The following CTDP1 variants were observed in gnomAD, a reference collection of about 807,000 sequenced individuals.
The protein encoded by CTDP1 is CTD phosphatase 1.
A neutral mutation model predicts 91.8 loss-of-function variants in CTDP1; 47 were observed. The observed-to-expected ratio is 0.51, with a 90% CI of 0.41 to 0.65. The LOEUF is 0.65. Ranked by LOEUF, CTDP1 falls within the 30% of genes least tolerant of loss-of-function variation. The pLI, the probability that CTDP1 is intolerant of heterozygous loss-of-function variation, is 0.00. For synonymous variants in CTDP1, 656 were observed against 598.5 expected (o/e 1.10, Z -1.40); for missense variants, 1,272 against 1,373.7 (o/e 0.93, Z 1.17).
intron 12 of CTDP1, among the ~76,000 whole-genome samples, chr18:79,748,717 G>A (rs1424917169): frequency 1.3e-5 from 2 of 152,338 alleles, no homozygotes; most frequent in East Asian, 1.9e-4. Flanking sequence ...GAGCGCCTGC[G>A]GCCGCCTCAT....
At chr18:79,725,228 G>GGCT (rs1160171590) in intron 10 of CTDP1, among the ~76,000 whole-genome samples, 1 of 152,144 alleles carries the variant, frequency 6.6e-6, no homozygotes, top group Admixed American at 6.5e-5. Flanking sequence ...GGGCCTGTGG[G>GGCT]GCTGCACTTG....
chr18:79,682,468 G>C (rs2085395279), intron 1 of CTDP1, among the ~76,000 whole-genome samples: 1 of 152,220 alleles, frequency 6.6e-6, no homozygotes, highest in South Asian at 2.1e-4. Context: ...AAAGCCAACA[G>C]TGATGGATTT....
chr18:79,746,300 C>T (rs113418419), intron 12 of CTDP1, among the ~76,000 whole-genome samples: 3 of 121,044 alleles, frequency 2.5e-5, no homozygotes, highest in East Asian at 2.5e-4. Context: ...TCTGTCCCTG[C>T]GTCCCTCCCG....
intron 12 of CTDP1, among the ~76,000 whole-genome samples, chr18:79,740,651 A>G (rs976734120): frequency 6.6e-6 from 1 of 152,144 alleles, no homozygotes; most frequent in Non-Finnish European, 1.5e-5. Flanking sequence ...ACGTCTTGCT[A>G]ATTTCGCATG....
intron 11 of CTDP1, among the ~76,000 whole-genome samples, chr18:79,729,863 C>T (rs1418482693): frequency 1.3e-5 from 2 of 152,226 alleles, no homozygotes; most frequent in South Asian, 2.1e-4. Context: ...TGCAGCTGGT[C>T]AGGGCACAGG....
chr18:79,701,583 T>C (rs2085861620), intron 4 of CTDP1, among the ~76,000 whole-genome samples: 1 of 151,644 alleles, frequency 6.6e-6, no homozygotes, highest in Admixed American at 6.6e-5. Context: ...AAGAGCTACA[T>C]CTCCTAAGGC....
intron 12 of CTDP1, among the ~76,000 whole-genome samples, chr18:79,748,686 A>G (rs532050189): frequency 6.7e-4 from 102 of 152,268 alleles, no homozygotes; most frequent in Non-Finnish European, 8.4e-4. Flanking sequence ...TCCACAAGAA[A>G]CTGTTCCCAG....
chr18:79,688,113 C>A (rs1457850267), intron 1 of CTDP1, among the ~76,000 whole-genome samples: 1 of 152,380 alleles, frequency 6.6e-6, no homozygotes, highest in African/African-American at 2.4e-5. Context: ...TGTGCGTGTT[C>A]TCCAGGATGG....
upstream of CTDP1, chr18:79,679,336 T>TG: frequency 2.2e-6 from 1 of 444,748 alleles, no homozygotes; most frequent in South Asian, 1.6e-5. Context: ...CTCACGTCTC[T>TG]GGGCCCGCGG....
chr18:79,718,905 A>G (rs2086274922), intron 10 of CTDP1, among the ~76,000 whole-genome samples: 1 of 152,124 alleles, frequency 6.6e-6, no homozygotes, highest in South Asian at 2.1e-4. Flanking sequence ...ACGGGTGCTC[A>G]CGGTTAATGG....
At chr18:79,695,864 A>G in intron 2 of CTDP1, 113 bp from the exon 3 acceptor site, 1 of 845,828 alleles carries the variant, frequency 1.2e-6, no homozygotes. Flanking sequence ...CTGTGCTAAG[A>G]TAGCAGCGTG....
intron 10 of CTDP1, among the ~76,000 whole-genome samples, chr18:79,727,947 G>A (rs1055024363): frequency 6.6e-6 from 1 of 152,196 alleles, no homozygotes; most frequent in African/African-American, 2.4e-5. Context: ...TCCAGATCGA[G>A]AAAGATGTGT....
rs567406117 is a variant in CTDP1 at position 79,681,532 on chromosome 18, T to A, written c.314+1271T>A. 16 of 972,796 alleles carry A rather than the reference T, an allele frequency of 1.6e-5. No homozygotes were observed. The South Asian group carries it at 5.7e-4, about 35-fold the overall frequency. 60.3% of individuals were successfully genotyped at this position (972,796 alleles called of 1,614,324 possible). A position where few individuals can be genotyped will look rare whatever the true frequency, so the allele number is the denominator to read the frequency against. On this transcript the variant is annotated intron_variant, in intron 1 of 12. Transcript: ENST00000613122. Reference sequence around the variant, plus strand: ...GGCCTAGACAGGTGAGTAACTTGGTTATGTGGCAAGTTAGTATTGAAATTC... The same window carrying A: ...GGCCTAGACAGGTGAGTAACTTGGTAATGTGGCAAGTTAGTATTGAAATTC...
rs533419347 is a variant in CTDP1 at position 79,680,326 on chromosome 18, C to G, written c.314+65C>G. On this transcript the variant is annotated intron_variant, in intron 1 of 12. Coordinates refer to ENST00000613122, the MANE Select transcript of CTDP1 (RefSeq NM_004715.5). ...TCCGGGGAGGGATCCTGGAGGACCC[C>G]CGGGCTGCTGCGTCCGCGGTGGGCA... 36 of 1,208,478 alleles carry G rather than the reference C, an allele frequency of 3.0e-5. No homozygotes were observed. The South Asian group carries it at 1.2e-3, about 39-fold the overall frequency. The allele number at this position is 1,208,478 out of a possible 1,614,324, so 74.9% of individuals were successfully genotyped here.
At chr18:79,740,416 A>G (rs902314131) in intron 12 of CTDP1, among the ~76,000 whole-genome samples, 3 of 152,200 alleles carry the variant, frequency 2.0e-5, no homozygotes, top group Non-Finnish European at 4.4e-5. Flanking sequence ...AGGGACTTCC[A>G]GTTTTATTTC....
chr18:79,753,724 G>C lies in CTDP1; in HGVS notation c.2820G>C (p.Glu940Asp). Residue 940 changes from glutamate (E) to aspartate (D), a missense_variant, in exon 13 of 13, where the codon GAG becomes GAC. Physicochemically the swap from Glu to Asp is conservative, Grantham distance 45 (BLOSUM62 2). Around this residue, in one of 3 missense-constraint regions of CTDP1, gnomAD observed 881 missense variants for 911.6 expected, o/e 0.97. Coordinates refer to ENST00000613122, the MANE Select transcript of CTDP1 (RefSeq NM_004715.5). ...ESSRESSNED[E>D]GSSSEADEMA... Reference sequence around the variant, plus strand: ...GCAGGGAGTCCAGCAACGAGGATGAGGGCAGCAGCTCCGAGGCCGACGAGA... The same window carrying C: ...GCAGGGAGTCCAGCAACGAGGATGACGGCAGCAGCTCCGAGGCCGACGAGA... The C allele has an allele frequency of 6.2e-7, 1 of 1,613,960 alleles. No homozygotes were observed.
chr18:79,729,037 T>C lies in CTDP1; in HGVS notation c.2548T>C (p.Cys850Arg). 1.2e-6 allele frequency: 2 copies of C among 1,613,876 alleles called. No individual in the cohort carries two copies. Among genetic ancestry groups the C allele is most frequent in the Non-Finnish European group, 1.7e-6 (2 of 1,180,038 alleles). ...MSETMPLYTLCKEDLESMDKE... is the reference protein window; with the variant it reads ...MSETMPLYTLRKEDLESMDKE... ...TGAGACAATGCCGCTGTACACTCTT[T>C]GTAAGGAGGATTTAGAGAGTATGGA... Residue 850 changes from cysteine to arginine, a missense_variant, in exon 11 of 13, where the codon TGT (cysteine) becomes CGT (arginine). Physicochemically the swap from Cys to Arg is radical, Grantham distance 180. Coordinates refer to ENST00000613122, the MANE Select transcript of CTDP1 (RefSeq NM_004715.5).
intron 4 of CTDP1, among the ~76,000 whole-genome samples, chr18:79,699,927 G>A (rs1367570256): frequency 1.3e-5 from 2 of 152,194 alleles, no homozygotes; most frequent in African/African-American, 4.8e-5. Flanking sequence ...TGATCTTTGA[G>A]GTCACTGTTG....
intron 3 of CTDP1, among the ~76,000 whole-genome samples, chr18:79,696,512 T>A (rs1388370533): frequency 7.1e-6 from 1 of 141,072 alleles, no homozygotes; most frequent in Non-Finnish European, 1.5e-5. Context: ...GAGGAGTCGG[T>A]GGCCGGGGGT....
Sources: gnomAD v4.1 joint callset for allele counts (sites outside exome capture counted in the v4.1 genomes callset) on GRCh38, gnomAD v4.1.1 for gene constraint, gnomAD v4.1.1 regional missense constraint, MANE v1.5 for transcripts, NCBI Gene and HGNC (gene_info 2026-07-23, HGNC 2026-07-21) for gene names.